GRM7: variants seen among roughly 807,000 people sequenced by gnomAD.
GRM7 encodes the protein glutamate metabotropic receptor 7, also known as metabotropic glutamate receptor 7.
In GRM7, 35 loss-of-function variants were observed where a neutral mutation model predicts 84.5. The ratio of observed to expected loss-of-function variants is 0.41; its 90% CI spans 0.32 to 0.55. The LOEUF is 0.55. Ranked by LOEUF, GRM7 falls within the 20% of genes least tolerant of loss-of-function variation. The pLI, the probability that GRM7 is intolerant of heterozygous loss-of-function variation, is 0.19. For synonymous variants in GRM7, 487 were observed against 455.1 expected (o/e 1.07, Z -0.89); for missense variants, 1,003 against 1,194.6 (o/e 0.84, Z 2.36).
chr3:7,665,168 C>CTTTTTT (rs34966790), intron 8 of GRM7, among the ~76,000 whole-genome samples: 3 of 102,524 alleles, frequency 2.9e-5, no homozygotes, highest in African/African-American at 4.0e-5. Flanking sequence ...GCCCATGATT[C>CTTTTTT]TTTTTTTTTT....
chr3:7,122,141 A>G (rs753135878), intron 1 of GRM7, among the ~76,000 whole-genome samples: 5 of 152,326 alleles, frequency 3.3e-5, no homozygotes, highest in African/African-American at 9.6e-5. Flanking sequence ...GCAGCAGAAA[A>G]TAGACTAAGA....
At chr3:7,531,141 C>G (rs1701021148) in intron 7 of GRM7, among the ~76,000 whole-genome samples, 1 of 152,068 alleles carries the variant, frequency 6.6e-6, no homozygotes, top group Non-Finnish European at 1.5e-5. Context: ...AGGAAGAGGT[C>G]CAGTTTCAGT....
At chr3:7,253,836 GC>G (rs1698099553) in intron 2 of GRM7, among the ~76,000 whole-genome samples, 1 of 152,058 alleles carries the variant, frequency 6.6e-6, no homozygotes, top group Non-Finnish European at 1.5e-5. Context: ...GATCTTTTAT[GC>G]ATATATGCAT....
intron 2 of GRM7, among the ~76,000 whole-genome samples, chr3:7,163,461 C>G (rs1694700071): frequency 6.6e-6 from 1 of 152,208 alleles, no homozygotes; most frequent in Non-Finnish European, 1.5e-5. Context: ...ATTCATTCAT[C>G]AAGTACTTTG....
At chr3:7,401,849 T>C (rs1695465729) in intron 4 of GRM7, among the ~76,000 whole-genome samples, 1 of 152,164 alleles carries the variant, frequency 6.6e-6, no homozygotes, top group Non-Finnish European at 1.5e-5. Flanking sequence ...ACGTCAATAT[T>C]AGTTATGACC....
chr3:7,202,841 A>G (rs1459302478), intron 2 of GRM7, among the ~76,000 whole-genome samples: 1 of 152,216 alleles, frequency 6.6e-6, no homozygotes, highest in Non-Finnish European at 1.5e-5. Flanking sequence ...CTACTTTCAC[A>G]ATCTGGACTT....
At chr3:6,891,251 A>G (rs958891083) in intron 1 of GRM7, among the ~76,000 whole-genome samples, 2 of 152,052 alleles carry the variant, frequency 1.3e-5, no homozygotes, top group Non-Finnish European at 2.9e-5. Context: ...TAATATTGTT[A>G]TGTGTGAATT....
At chr3:7,535,495 C>A (rs1701207690) in intron 7 of GRM7, among the ~76,000 whole-genome samples, 1 of 152,162 alleles carries the variant, frequency 6.6e-6, no homozygotes, top group Non-Finnish European at 1.5e-5. Flanking sequence ...CCAAGGGAAG[C>A]TCAGAACCAT....
At chr3:7,454,332 G>A (rs1697915825) in intron 6 of GRM7, among the ~76,000 whole-genome samples, 1 of 152,136 alleles carries the variant, frequency 6.6e-6, no homozygotes, top group African/African-American at 2.4e-5. Context: ...CTCTGATAAT[G>A]TCTGTTTGAA....
intron 6 of GRM7, among the ~76,000 whole-genome samples, chr3:7,453,297 T>C (rs2124893352): frequency 6.6e-6 from 1 of 152,198 alleles, no homozygotes; most frequent in East Asian, 1.9e-4. Flanking sequence ...CTTCAATTCC[T>C]ACATGATCTA....
intron 2 of GRM7, among the ~76,000 whole-genome samples, chr3:7,232,680 G>C (rs150710547): frequency 6.6e-6 from 1 of 152,256 alleles, no homozygotes; most frequent in East Asian, 1.9e-4. Flanking sequence ...CACTGTGTCT[G>C]GTGCTTTACA....
intron 1 of GRM7, among the ~76,000 whole-genome samples, chr3:7,061,600 A>C (rs1697435882): frequency 1.3e-5 from 2 of 151,792 alleles, no homozygotes; most frequent in Non-Finnish European, 2.9e-5. Context: ...CTAGGCATAT[A>C]CATGAGATAA....
intron 2 of GRM7, among the ~76,000 whole-genome samples, chr3:7,281,266 C>T (rs1052178945): frequency 6.6e-6 from 1 of 152,016 alleles, no homozygotes; most frequent in African/African-American, 2.4e-5. Flanking sequence ...GTATTTTATT[C>T]TATGTAAATC....
chr3:7,101,137 A>G (rs1181794813), intron 1 of GRM7, among the ~76,000 whole-genome samples: 1 of 151,770 alleles, frequency 6.6e-6, no homozygotes, highest in African/African-American at 2.4e-5. Flanking sequence ...TTGCTGGGTC[A>G]TAGGGTAGCT....
intron 5 of GRM7, among the ~76,000 whole-genome samples, chr3:7,418,616 G>C (rs1444634689): frequency 6.6e-6 from 1 of 152,100 alleles, no homozygotes; most frequent in Non-Finnish European, 1.5e-5. Flanking sequence ...TCACCCTTGA[G>C]ACTTGCCAGG....
chr3:7,487,993 T>A (rs932579966), intron 7 of GRM7, among the ~76,000 whole-genome samples: 29 of 152,136 alleles, frequency 1.9e-4, no homozygotes. Flanking sequence ...GATCCACACT[T>A]GTAGCAATGT....
intron 1 of GRM7, among the ~76,000 whole-genome samples, chr3:6,966,217 C>T (rs1415387983): frequency 1.3e-5 from 2 of 152,114 alleles, no homozygotes; most frequent in Admixed American, 1.3e-4. Context: ...TTGGTGGCAT[C>T]GTTTTAATCT....
chr3:6,886,025 T>C (rs1396475915), intron 1 of GRM7, among the ~76,000 whole-genome samples: 1 of 152,218 alleles, frequency 6.6e-6, no homozygotes, highest in Non-Finnish European at 1.5e-5. Context: ...TGATTTGATA[T>C]ATGTATACAT....
intron 2 of GRM7, among the ~76,000 whole-genome samples, chr3:7,233,238 T>G (rs963684): frequency 1.3e-5 from 2 of 152,072 alleles, no homozygotes; most frequent in South Asian, 2.1e-4. Flanking sequence ...AAGCCCAATT[T>G]ATGTAATCTG....
Sources: gnomAD v4.1 joint callset for allele counts (sites outside exome capture counted in the v4.1 genomes callset) on GRCh38, gnomAD v4.1.1 for gene constraint, MANE v1.5 for transcripts, NCBI Gene and HGNC (gene_info 2026-07-23, HGNC 2026-07-21) for gene names.